Variants in CD300LF observed in about 807,000 individuals in gnomAD.
CD300LF encodes CD300 molecule like family member f.
In CD300LF, 27 loss-of-function variants were observed where a neutral mutation model predicts 32.2. The observed-to-expected ratio is 0.84, with a 90% confidence interval of 0.62 to 1.15. The LOEUF (loss-of-function observed/expected upper bound fraction) is 1.15. Among genes scored for constraint, CD300LF ranks in the 50% most tolerant of loss-of-function variants. The pLI is 0.00. For missense variants in CD300LF, 348 were observed against 356.8 expected, an observed-to-expected ratio of 0.98 and a Z score of 0.20; for synonymous variants, 139 against 143.2, an observed-to-expected ratio of 0.97 and a Z score of 0.21.
chr17:74,701,150 G>A (rs776246762), intron 3 of CD300LF, among the ~76,000 whole-genome samples: 1 of 152,160 alleles, frequency 6.6e-6, no homozygotes. Flanking sequence ...TTTGTTAGGG[G>A]CAACCCAAGC....
At position 74,704,584 on chromosome 17, in the gene CD300LF, A is replaced by G. The variant is rs200941249; in HGVS notation, c.276T>C (p.Thr92=). ...IKDNQKNRTF[T]VTMEDLMKTD... The stretch of plus-strand genomic sequence containing the variant: ...TTTTCATGAGATCCTCCATGGTCAC[A>G]GTGAACGTGCGGTTTTTCTGATTGT... Residue 92 remains threonine (T), a synonymous_variant, in exon 2 of 7, where the codon ACT becomes ACC. Coordinates refer to ENST00000326165, the MANE Select transcript of CD300LF (RefSeq NM_139018.5). 6.2e-7 allele frequency: 1 copy of G among 1,614,224 alleles called. No individual in the cohort carries two copies. Among genetic ancestry groups the G allele is most frequent in the East Asian group, 2.2e-5 (1 of 44,882 alleles).
intron 3 of CD300LF, among the ~76,000 whole-genome samples, chr17:74,701,814 C>T (rs904197162): frequency 1.4e-5 from 2 of 147,616 alleles, no homozygotes; most frequent in Non-Finnish European, 3.0e-5. Context: ...TATACTACTG[C>T]ACTCCAACCT....
At position 74,710,768 on chromosome 17, in the gene CD300LF, G is replaced by A. The variant is rs542837302; in HGVS notation, c.43+2056C>T. Among the ~76,000 whole-genome samples the A allele has an allele frequency of 2.0e-5, 3 of 152,058 alleles. 1 individual carries two copies. The highest frequency in any genetic ancestry group is 7.2e-5 in the African/African-American group (3 of 41,478). ...TGTAATCCCAGCTACTTGGGAGGCTGAGGCAGAAGAATCACTTGAATCTGG... is the reference window on the plus strand; with the variant it reads ...TGTAATCCCAGCTACTTGGGAGGCTAAGGCAGAAGAATCACTTGAATCTGG... On this transcript the variant is annotated intron_variant, in intron 1 of 6. Transcript: ENST00000326165.
At position 74,695,793 on chromosome 17, in the gene CD300LF, G is replaced by T. The variant is rs781560054; in HGVS notation, c.649C>A (p.Pro217Thr). 39 of 1,614,060 alleles carry T rather than the reference G, an allele frequency of 2.4e-5. No individual in the cohort carries two copies. The highest frequency in any genetic ancestry group is 6.7e-5 in the Admixed American group (4 of 60,000). ...DLTLQLAGTSPQKATTKLSSA... is the reference protein window; with the variant it reads ...DLTLQLAGTSTQKATTKLSSA... Reference sequence around the variant, plus strand: ...GAAAGCTTCGTGGTAGCCTTTTGCGGGGAGGTTCCGGCCAGCTGCAGGGTC... The same window carrying T: ...GAAAGCTTCGTGGTAGCCTTTTGCGTGGAGGTTCCGGCCAGCTGCAGGGTC... The change falls in exon 6 of 7, where the codon CCG becomes ACG. Residue 217 changes from proline (P) to threonine (T), a missense_variant. Transcript: ENST00000326165.
intron 1 of CD300LF, among the ~76,000 whole-genome samples, chr17:74,711,755 G>T (rs973581632): frequency 6.6e-6 from 1 of 152,094 alleles, no homozygotes; most frequent in Non-Finnish European, 1.5e-5. Flanking sequence ...CTTCAGGGGG[G>T]TTGTTTCAGC....
Position 74,698,303 on chromosome 17 carries a change from C to T in CD300LF, c.559+66G>A, listed in dbSNP as rs191687260. ...GTGGGTAATCCCTTGGACCAGATAG[C>T]TCCCAGATGCCACATCCCCAGCCAC... On this transcript the variant is annotated intron_variant, in intron 4 of 6. Transcript: ENST00000326165. 340 of 1,099,742 alleles carry T rather than the reference C, an allele frequency of 3.1e-4. 1 individual carries two copies. Among genetic ancestry groups the T allele is most frequent in the Non-Finnish European group, 4.3e-4 (311 of 725,072 alleles). The allele number at this position is 1,099,742 out of a possible 1,614,324, so 68.1% of individuals were successfully genotyped here. A position where few individuals can be genotyped will look rare whatever the true frequency, so the allele number is the denominator to read the frequency against.
At position 74,695,747 on chromosome 17, in the gene CD300LF, A is replaced by C. The variant is rs1021899881; in HGVS notation, c.695T>G (p.Val232Gly). The C allele has an allele frequency of 1.2e-6, 2 of 1,613,984 alleles. No homozygotes were observed. Among genetic ancestry groups the C allele is most frequent in the Non-Finnish European group, 1.7e-6 (2 of 1,179,962 alleles). ...TKLSSAQVDQ[V>G]EVEYVTMASL... Reference sequence around the variant, plus strand: ...CACCATGGTGACATATTCCACTTCCACCTGGTCAACCTGGGCAGAGGAAAG... The same window carrying C: ...CACCATGGTGACATATTCCACTTCCCCCTGGTCAACCTGGGCAGAGGAAAG... The change falls in exon 6 of 7, where the codon GTG (valine) becomes GGG (glycine). Residue 232 changes from valine (V) to glycine (G), a missense_variant. Coordinates refer to ENST00000326165, the MANE Select transcript of CD300LF (RefSeq NM_139018.5).
chr17:74,700,052 G>C (rs2032893902), intron 3 of CD300LF, among the ~76,000 whole-genome samples: 1 of 152,060 alleles, frequency 6.6e-6, no homozygotes. Flanking sequence ...TGAGGTGGGA[G>C]AATTGCTTGA....
At chr17:74,709,175 G>A (rs1211193349) in intron 1 of CD300LF, among the ~76,000 whole-genome samples, 1 of 151,022 alleles carries the variant, frequency 6.6e-6, no homozygotes, top group East Asian at 1.9e-4. Context: ...AGTGAGCCAA[G>A]ATCACACCAC....
intron 1 of CD300LF, among the ~76,000 whole-genome samples, chr17:74,710,468 G>C (rs2033863574): frequency 6.6e-6 from 1 of 152,136 alleles, no homozygotes; most frequent in African/African-American, 2.4e-5. Context: ...TAAATAGTTG[G>C]AAAGTAAAGT....
In CD300LF at chr17:74,694,934, G is replaced by A; in HGVS notation, c.*162C>T. On this transcript the variant is annotated 3_prime_UTR_variant, in exon 7 of 7. Coordinates refer to ENST00000326165, the MANE Select transcript of CD300LF (RefSeq NM_139018.5). ...ACCCCAACTCCTAGAAGCCCCCTGA[G>A]ACTTGGCCCCAAGCCCAACCCAGAG... 2 of 683,252 alleles carry A rather than the reference G, an allele frequency of 2.9e-6. No individual in the cohort carries two copies. The highest frequency in any genetic ancestry group is 4.7e-6 in the Non-Finnish European group (2 of 422,626). The allele number at this position is 683,252 out of a possible 1,614,324, so 42.3% of individuals were successfully genotyped here.
intron 3 of CD300LF, among the ~76,000 whole-genome samples, chr17:74,702,069 A>G (rs2033103695): frequency 6.6e-6 from 1 of 151,962 alleles, no homozygotes; most frequent in African/African-American, 2.4e-5. Flanking sequence ...AAAAAAACAG[A>G]AGGCAAATGG....
intron 1 of CD300LF, among the ~76,000 whole-genome samples, chr17:74,709,192 C>G (rs2033771288): frequency 6.6e-6 from 1 of 151,708 alleles, no homozygotes; most frequent in African/African-American, 2.4e-5. Flanking sequence ...CCACTGCACT[C>G]CAGCCTGGAG....
intron 1 of CD300LF, 27 bp from the exon 2 acceptor site, chr17:74,704,843 C>A: frequency 6.4e-7 from 1 of 1,565,582 alleles, no homozygotes; most frequent in South Asian, 1.2e-5. Context: ...CATGTGCTGT[C>A]ACCTCCCACC....
intron 2 of CD300LF, 27 bp downstream of exon 2, chr17:74,704,449 GAC>G: frequency 1.3e-6 from 2 of 1,498,598 alleles, no homozygotes; most frequent in Non-Finnish European, 1.8e-6. Context: ...GGCCCTGAGA[GAC>G]ACACACATAT....
Position 74,707,750 on chromosome 17 carries a change from T to C in CD300LF, c.44-2934A>G, listed in dbSNP as rs114745245. Among the ~76,000 whole-genome samples the C allele has an allele frequency of 2.4e-3, 364 of 151,348 alleles. 2 individuals carry two copies. The highest frequency in any genetic ancestry group is 7.5e-3 in the African/African-American group (310 of 41,292). On this transcript the variant is annotated intron_variant, in intron 1 of 6. Transcript: ENST00000326165. ...AAAAAAATTAAAAGTGGTATATGAC[T>C]GTATATCCTGCACATATTAAAAAGT...
Position 74,703,019 on chromosome 17 carries a change from A to G in CD300LF, c.446+16T>C. The G allele has an allele frequency of 6.2e-7, 1 of 1,604,846 alleles. No homozygotes were observed. The highest frequency in any genetic ancestry group is 8.5e-7 in the Non-Finnish European group (1 of 1,171,722). The stretch of plus-strand genomic sequence containing the variant: ...TTTGGGCCAAGTAGGCCACAGTGGA[A>G]CCAGAGCTGGCTTACCTGTTGTCCA... On this transcript the variant is annotated intron_variant, in intron 3 of 6. Transcript: ENST00000326165.
intron 4 of CD300LF, among the ~76,000 whole-genome samples, 157 bp downstream of exon 4, chr17:74,698,212 C>G (rs913847930): frequency 6.6e-6 from 1 of 152,156 alleles, no homozygotes; most frequent in East Asian, 1.9e-4. Flanking sequence ...AGCTCCAGGG[C>G]GCCCCCCGGT....
intron 3 of CD300LF, among the ~76,000 whole-genome samples, chr17:74,702,492 G>C (rs1213251766): frequency 1.3e-5 from 2 of 152,238 alleles, no homozygotes; most frequent in Non-Finnish European, 2.9e-5. Context: ...TTTGTGAGCT[G>C]TCAGTTGCTC....
Sources: gnomAD v4.1 joint callset for allele counts (sites outside exome capture counted in the v4.1 genomes callset) on GRCh38, gnomAD v4.1.1 for gene constraint, MANE v1.5 for transcripts, NCBI Gene and HGNC (gene_info 2026-07-23, HGNC 2026-07-21) for gene names.